The following UBXN4 variants were observed in gnomAD, a reference collection of about 807,000 sequenced individuals.
The protein encoded by UBXN4 is UBX domain protein 4.
In UBXN4, 35 loss-of-function variants were observed where a neutral mutation model predicts 66.2. The ratio of observed to expected loss-of-function variants is 0.53; its 90% confidence interval spans 0.40 to 0.70. The LOEUF (loss-of-function observed/expected upper bound fraction) is 0.70. UBXN4 is among the 30% of genes least tolerant of loss of function. The probability of loss-of-function intolerance (pLI) is 0.00; values close to 1 mark genes in which losing one functional copy is unlikely to be tolerated. For synonymous variants in UBXN4, 203 were observed against 204.5 expected, an observed-to-expected ratio of 0.99 and a Z score of 0.06; for missense variants, 533 against 599.8, an observed-to-expected ratio of 0.89 and a Z score of 1.16.
At chr2:135,743,215 A>G (rs1031415207) in intron 1 of UBXN4, among the ~76,000 whole-genome samples, 5 of 152,256 alleles carry the variant, frequency 3.3e-5, no homozygotes, top group Admixed American at 1.3e-4. Flanking sequence ...TTTGGAATTT[A>G]TAATTGTTTT....
chr2:135,777,040 T>G (rs2077419738), intron 10 of UBXN4, among the ~76,000 whole-genome samples: 1 of 152,200 alleles, frequency 6.6e-6, no homozygotes, highest in Admixed American at 6.5e-5. Context: ...TACAGATTGC[T>G]TAGGGGCTGG....
At chr2:135,782,524 G>C (rs1164824398) in intron 12 of UBXN4, among the ~76,000 whole-genome samples, 1 of 152,136 alleles carries the variant, frequency 6.6e-6, no homozygotes, top group Non-Finnish European at 1.5e-5. Context: ...TATATGATTT[G>C]GCTGGCTGGC....
chr2:135,766,555 T>G (rs1168273277), intron 6 of UBXN4, among the ~76,000 whole-genome samples: 1 of 152,210 alleles, frequency 6.6e-6, no homozygotes, highest in Non-Finnish European at 1.5e-5. Context: ...GATTTAGACA[T>G]TTTGAAGAGT....
intron 2 of UBXN4, among the ~76,000 whole-genome samples, chr2:135,749,152 T>C (rs574301472): frequency 6.6e-6 from 1 of 152,316 alleles, no homozygotes; most frequent in South Asian, 2.1e-4. Flanking sequence ...GAAAAAACTT[T>C]AAGCTTTCCT....
chr2:135,753,698 C>A, intron 3 of UBXN4, 131 bp downstream of exon 3: 1 of 784,296 alleles, frequency 1.3e-6, no homozygotes, highest in Admixed American at 4.0e-5. Flanking sequence ...AACTTTATTA[C>A]TAAGTGTCCT....
At chr2:135,765,951 G>A (rs1322358369) in intron 6 of UBXN4, among the ~76,000 whole-genome samples, 3 of 152,002 alleles carry the variant, frequency 2.0e-5, no homozygotes, top group Admixed American at 2.0e-4. Flanking sequence ...TCAGGAGTTC[G>A]AGACCAGCCT....
At chr2:135,742,300 C>T (rs868344909) in intron 1 of UBXN4, among the ~76,000 whole-genome samples, 10 of 152,324 alleles carry the variant, frequency 6.6e-5, no homozygotes, top group African/African-American at 1.9e-4. Context: ...TTCAGCGCCT[C>T]CCCGGTTCGT....
At chr2:135,768,805 C>T (rs547777339) in intron 6 of UBXN4, among the ~76,000 whole-genome samples, 21 of 150,794 alleles carry the variant, frequency 1.4e-4, no homozygotes, top group Admixed American at 3.3e-4. Context: ...TCAATTGATC[C>T]GCCTGCCTCG....
chr2:135,776,733 T>TA (rs142005178), intron 10 of UBXN4, among the ~76,000 whole-genome samples: 1,718 of 152,102 alleles, frequency 0.011, 20 homozygotes, highest in South Asian at 0.041. Flanking sequence ...AGCTGGAACT[T>TA]ACAGGCATGT....
rs753692595 is a variant in UBXN4 at position 135,755,544 on chromosome 2, G to A, written c.361G>A (p.Val121Ile). The change falls in exon 5 of 13, where the codon GTA becomes ATA. Residue 121 changes from valine to isoleucine, a missense_variant. This residue lies in a region of UBXN4 where 529 missense variants were observed against 580.1 expected (regional missense o/e 0.91). Transcript: ENST00000272638. ...QMHLLKSETS[V>I]ANGSQSESSV... ...GCATTTGCTAAAAAGTGAAACATCA[G>A]TAGCAAATGGCAGTCAGTCAGAAAG... The A allele has an allele frequency of 9.4e-6, 15 of 1,595,176 alleles. No individual in the cohort carries two copies. The highest frequency in any genetic ancestry group is 1.3e-5 in the Non-Finnish European group (15 of 1,170,556).
intron 10 of UBXN4, 105 bp from the exon 11 acceptor site, chr2:135,778,843 A>G: frequency 8.0e-7 from 1 of 1,257,254 alleles, no homozygotes; most frequent in East Asian, 2.5e-5. Context: ...CATGTAATGA[A>G]CTTTTAAAAT....
chr2:135,754,106 T>C, intron 3 of UBXN4, 53 bp from the exon 4 acceptor site: 1 of 1,325,828 alleles, frequency 7.5e-7, no homozygotes, highest in Non-Finnish European at 1.1e-6. Flanking sequence ...TAGTGTTTCG[T>C]AAAACTATCC....
intron 12 of UBXN4, 100 bp downstream of exon 12, chr2:135,780,485 C>T: frequency 1.9e-6 from 2 of 1,075,702 alleles, no homozygotes; most frequent in Non-Finnish European, 2.8e-6. Flanking sequence ...TATATGTCCT[C>T]TCCAGTTCCC....
chr2:135,775,207 A>G (rs1327156330), intron 9 of UBXN4, among the ~76,000 whole-genome samples: 2 of 152,230 alleles, frequency 1.3e-5, no homozygotes, highest in Admixed American at 1.3e-4. Flanking sequence ...GGATTGTAAA[A>G]TGATGTAGCC....
At chr2:135,757,503 C>CT (rs2077285557) in intron 5 of UBXN4, among the ~76,000 whole-genome samples, 1 of 152,084 alleles carries the variant, frequency 6.6e-6, no homozygotes, top group Admixed American at 6.6e-5. Context: ...GCTTTAAAGT[C>CT]TTTGTCTGAC....
intron 10 of UBXN4, among the ~76,000 whole-genome samples, chr2:135,778,048 G>A (rs1031076126): frequency 1.3e-5 from 2 of 151,756 alleles, no homozygotes; most frequent in African/African-American, 2.4e-5. Context: ...GTGGTGGCGG[G>A]CGTCTGTAGT....
intron 12 of UBXN4, 147 bp downstream of exon 12, chr2:135,780,532 T>C (rs2077443399): frequency 2.6e-6 from 2 of 759,908 alleles, no homozygotes; most frequent in Admixed American, 2.7e-5. Flanking sequence ...TCTGAAACTT[T>C]ATTACATCAT....
chr2:135,755,442 G>A (rs1370123378), intron 4 of UBXN4, 75 bp from the exon 5 acceptor site: 15 of 1,181,232 alleles, frequency 1.3e-5, no homozygotes, highest in Non-Finnish European at 1.7e-5. Context: ...AAATCAACCT[G>A]TATTTTGGTC....
chr2:135,757,302 A>G (rs1249238779), intron 5 of UBXN4, among the ~76,000 whole-genome samples: 2 of 152,152 alleles, frequency 1.3e-5, no homozygotes, highest in African/African-American at 4.8e-5. Flanking sequence ...TTTATTTTAG[A>G]TAAAATTATG....
Sources: gnomAD v4.1 joint callset for allele counts (sites outside exome capture counted in the v4.1 genomes callset) on GRCh38, gnomAD v4.1.1 for gene constraint, gnomAD v4.1.1 regional missense constraint, MANE v1.5 for transcripts, NCBI Gene and HGNC (gene_info 2026-07-23, HGNC 2026-07-21) for gene names.